Variants in ZBTB7C observed in about 807,000 individuals in gnomAD.
ZBTB7C encodes zinc finger and BTB domain-containing protein 7C.
ZBTB7C carries 8 observed loss-of-function variants against 25.7 expected under a neutral mutation model. That is an observed-to-expected ratio of 0.31 (90% CI 0.18 to 0.56). ZBTB7C has a LOEUF of 0.56. Among genes scored for constraint, ZBTB7C ranks in the 20% least tolerant of loss-of-function variants. ZBTB7C has a pLI of 0.91. For missense variants in ZBTB7C, 824 were observed against 855.2 expected (o/e 0.96, Z 0.46); for synonymous variants, 394 against 369.0 (o/e 1.07, Z -0.78).
intron 2 of ZBTB7C, among the ~76,000 whole-genome samples, chr18:48,207,570 CATCTATCTATCTATCTATCT>C (rs35634878): frequency 2.0e-5 from 3 of 147,018 alleles, no homozygotes; most frequent in Admixed American, 6.8e-5. Context: ...CACTGCCTAT[CATCTATCTATCTATCTATCT>C]ATCTATCTAT....
At chr18:48,300,455 CG>C (rs1189059965) in intron 2 of ZBTB7C, among the ~76,000 whole-genome samples, 2 of 152,138 alleles carry the variant, frequency 1.3e-5, no homozygotes, top group East Asian at 3.9e-4. Context: ...GCTGGGCATC[CG>C]ATTCCACCCT....
upstream of ZBTB7C, among the ~76,000 whole-genome samples, chr18:48,410,940 T>G (rs1039319894): frequency 4.6e-5 from 7 of 152,252 alleles, no homozygotes; most frequent in Admixed American, 3.9e-4. Flanking sequence ...GCAGTGGGGC[T>G]GCTGCTGTGT....
rs146031291 is a variant in ZBTB7C at position 48,143,452 on chromosome 18, C to T, written c.-17+42482G>A. ...CTCACCCTAGGACAAACAACTAATT[C>T]ACCTTATATTAAATTACCACTTACT... On this transcript the variant is annotated intron_variant, in intron 3 of 4. Coordinates refer to ENST00000590800, the MANE Select transcript of ZBTB7C (RefSeq NM_001318841.2). Among the ~76,000 whole-genome samples, 627 of 152,284 alleles carry T rather than the reference C, an allele frequency of 4.1e-3. 2 individuals are homozygous for T. The highest frequency in any genetic ancestry group is 7.5e-3 in the Non-Finnish European group (511 of 68,012).
chr18:48,034,197 T>G (rs1003191185), intron 4 of ZBTB7C, among the ~76,000 whole-genome samples: 1 of 152,162 alleles, frequency 6.6e-6, no homozygotes. Flanking sequence ...GCCTGTGTGC[T>G]CACTTACCCC....
intron 2 of ZBTB7C, among the ~76,000 whole-genome samples, chr18:48,307,111 T>C (rs971162195): frequency 6.6e-6 from 1 of 152,164 alleles, no homozygotes; most frequent in Non-Finnish European, 1.5e-5. Flanking sequence ...AATTATATGG[T>C]AAGCCTCCAA....
At chr18:48,183,822 C>T (rs2041988947) in intron 3 of ZBTB7C, among the ~76,000 whole-genome samples, 1 of 152,154 alleles carries the variant, frequency 6.6e-6, no homozygotes, top group African/African-American at 2.4e-5. Context: ...CAAGCCCTGC[C>T]CCCTGCCTCC....
intron 2 of ZBTB7C, among the ~76,000 whole-genome samples, chr18:48,307,581 G>A (rs1245255758): frequency 2.0e-5 from 3 of 152,196 alleles, no homozygotes; most frequent in Non-Finnish European, 4.4e-5. Flanking sequence ...CGGGTGCGGT[G>A]GCTCACCCCT....
intron 2 of ZBTB7C, among the ~76,000 whole-genome samples, chr18:48,247,558 T>C (rs1448705970): frequency 6.6e-6 from 1 of 152,212 alleles, no homozygotes; most frequent in Non-Finnish European, 1.5e-5. Context: ...CCCCATACCA[T>C]CTGGTAACAA....
intron 3 of ZBTB7C, among the ~76,000 whole-genome samples, chr18:48,135,652 C>A (rs2144798154): frequency 1.3e-5 from 2 of 152,194 alleles, no homozygotes; most frequent in South Asian, 4.2e-4. Flanking sequence ...CCTTTCTAAG[C>A]CCAGAGAGGA....
At chr18:48,319,047 T>C (rs1185040376) in intron 2 of ZBTB7C, among the ~76,000 whole-genome samples, 1 of 152,018 alleles carries the variant, frequency 6.6e-6, no homozygotes, top group Non-Finnish European at 1.5e-5. Context: ...GAGAGTAAGG[T>C]CGCTTTCTCC....
At chr18:48,277,708 T>C (rs2044707388) in intron 2 of ZBTB7C, among the ~76,000 whole-genome samples, 1 of 152,222 alleles carries the variant, frequency 6.6e-6, no homozygotes, top group Non-Finnish European at 1.5e-5. Context: ...ACAGTCACGC[T>C]GGAGGCTCCC....
intron 2 of ZBTB7C, among the ~76,000 whole-genome samples, chr18:48,200,954 C>G (rs11873779): frequency 0.01 from 1,549 of 152,284 alleles, 16 homozygotes; most frequent in Middle Eastern, 0.02. Flanking sequence ...CAGGATGAAG[C>G]AGGCCACCCC....
At chr18:48,300,528 G>A (rs1426884023) in intron 2 of ZBTB7C, among the ~76,000 whole-genome samples, 2 of 152,170 alleles carry the variant, frequency 1.3e-5, no homozygotes, top group Non-Finnish European at 2.9e-5. Context: ...CTTGGCCCCA[G>A]CCAGGTCGTT....
At chr18:48,135,245 TAGCG>T (rs2040111818) in intron 3 of ZBTB7C, among the ~76,000 whole-genome samples, 1 of 152,074 alleles carries the variant, frequency 6.6e-6, no homozygotes, top group African/African-American at 2.4e-5. Context: ...AACAATACAA[TAGCG>T]TTGAATAAAT....
rs756030910 is a variant in ZBTB7C at position 48,040,405 on chromosome 18, G to A, written c.703C>T (p.Leu235=). The change falls in exon 4 of 5, where the codon CTG becomes TTG. Residue 235 remains leucine (L), a synonymous_variant. Coordinates refer to ENST00000590800, the MANE Select transcript of ZBTB7C (RefSeq NM_001318841.2). ...FSIESLLREN[L]YPKANIPDRR... Reference sequence around the variant, plus strand: ...TCGGGGATGTTGGCCTTGGGGTACAGGTTCTCCCTTAGCAGAGATTCGATG... The same window carrying A: ...TCGGGGATGTTGGCCTTGGGGTACAAGTTCTCCCTTAGCAGAGATTCGATG... The A allele has an allele frequency of 1.4e-5, 22 of 1,611,886 alleles. No individual in the cohort carries two copies. The highest frequency in any genetic ancestry group is 1.8e-5 in the Non-Finnish European group (21 of 1,178,844).
At chr18:48,238,781 G>T (rs749558007) in intron 2 of ZBTB7C, among the ~76,000 whole-genome samples, 1 of 152,204 alleles carries the variant, frequency 6.6e-6, no homozygotes, top group Non-Finnish European at 1.5e-5. Flanking sequence ...TGGGCAGAAT[G>T]GGGGTGAGGT....
intron 2 of ZBTB7C, among the ~76,000 whole-genome samples, chr18:48,241,990 G>A (rs2043543657): frequency 6.6e-6 from 1 of 152,000 alleles, no homozygotes; most frequent in Non-Finnish European, 1.5e-5. Context: ...ATCCAAATAA[G>A]CTCAATTAGA....
chr18:48,031,062 C>T (rs1306926032), intron 4 of ZBTB7C, among the ~76,000 whole-genome samples: 1 of 152,170 alleles, frequency 6.6e-6, no homozygotes, highest in African/African-American at 2.4e-5. Flanking sequence ...ATTTCAGGCT[C>T]TGCTTTGAGG....
chr18:48,314,705 T>C (rs1013548509), intron 2 of ZBTB7C, among the ~76,000 whole-genome samples: 1 of 152,106 alleles, frequency 6.6e-6, no homozygotes, highest in Admixed American at 6.5e-5. Context: ...CTGAGCTTCC[T>C]TGGAGACCAG....
Sources: allele counts gnomAD v4.1 joint callset (sites outside exome capture counted in the v4.1 genomes callset), GRCh38; gene constraint gnomAD v4.1.1; transcripts MANE v1.5; gene names NCBI Gene and HGNC (gene_info 2026-07-23, HGNC 2026-07-21).